ACOT11: variants seen among roughly 807,000 people sequenced by gnomAD.
ACOT11 encodes the protein acyl-CoA thioesterase 11, also known as acyl-coenzyme A thioesterase 11.
In ACOT11, 69 loss-of-function variants were observed where a neutral mutation model predicts 77.5. That is an observed-to-expected ratio of 0.89 (90% CI 0.73 to 1.09). ACOT11 has a LOEUF of 1.09. Among genes scored for constraint, ACOT11 ranks in the 50% least tolerant of loss-of-function variants. ACOT11 has a pLI of 0.00. For missense variants in ACOT11, 766 were observed against 813.7 expected, an observed-to-expected ratio of 0.94 and a Z score of 0.71; for synonymous variants, 279 against 313.0, an observed-to-expected ratio of 0.89 and a Z score of 1.15.
intron 15 of ACOT11, among the ~76,000 whole-genome samples, chr1:54,615,381 A>T (rs1644161839): frequency 6.6e-6 from 1 of 152,172 alleles, no homozygotes. Flanking sequence ...TTTCCTGAGG[A>T]CAATGGGGAG....
At chr1:54,610,767 C>A, downstream of ACOT11, 9 of 984,260 alleles carry the variant, frequency 9.1e-6, no homozygotes, top group Non-Finnish European at 1.1e-5. Flanking sequence ...AGGAGTGGAA[C>A]CTGATGGGAC....
At chr1:54,632,134 T>C (rs1431393997) in intron 16 of ACOT11, among the ~76,000 whole-genome samples, 1 of 152,024 alleles carries the variant, frequency 6.6e-6, no homozygotes, top group Non-Finnish European at 1.5e-5. Flanking sequence ...ATGTCCAAAA[T>C]GTAAAAAAGG....
chr1:54,610,664 CAT>C, downstream of ACOT11: 1 of 1,470,804 alleles, frequency 6.8e-7, no homozygotes, highest in Admixed American at 2.5e-5. Context: ...CTCTAAGCCT[CAT>C]AGCACCCTGC....
downstream of ACOT11, among the ~76,000 whole-genome samples, chr1:54,615,219 G>T (rs1045900145): frequency 3.3e-5 from 5 of 152,154 alleles, no homozygotes; most frequent in Non-Finnish European, 5.9e-5. Context: ...AACCACCAGA[G>T]CCTGTAGGGA....
chr1:54,604,220 C>A, intron 11 of ACOT11, 126 bp from the exon 12 acceptor site: 1 of 833,026 alleles, frequency 1.2e-6, no homozygotes, highest in Non-Finnish European at 1.9e-6. Flanking sequence ...ACAGCACCTG[C>A]CGCACCACCC....
chr1:54,564,918 TG>T (rs973128638), intron 1 of ACOT11, among the ~76,000 whole-genome samples: 55 of 152,264 alleles, frequency 3.6e-4, no homozygotes, highest in African/African-American at 1.0e-3. Context: ...CAGATGTACA[TG>T]TGCCTATAGG....
intron 15 of ACOT11, chr1:54,623,381 C>T (rs1644250296): frequency 2.5e-6 from 4 of 1,613,694 alleles, no homozygotes; most frequent in African/African-American, 1.3e-5. Flanking sequence ...TTGATAACTG[C>T]TCCCTGCAGA....
rs775266928 is a variant in ACOT11 at position 54,548,307 on chromosome 1, G to C, written c.-3G>C. On this transcript the variant is annotated 5_prime_UTR_variant, in exon 1 of 16. Transcript: ENST00000343744. ...GCGCTGCTTTCCCCGGCCACCCGGCGCGATGATCCAGAATGTCGGAAATCA... is the reference window on the plus strand; with the variant it reads ...GCGCTGCTTTCCCCGGCCACCCGGCCCGATGATCCAGAATGTCGGAAATCA... The C allele has an allele frequency of 6.3e-7, 1 of 1,597,280 alleles. No homozygotes were observed. The highest frequency in any genetic ancestry group is 8.5e-7 in the Non-Finnish European group (1 of 1,172,412).
intron 1 of ACOT11, among the ~76,000 whole-genome samples, chr1:54,576,491 T>TAAAAAAAA: frequency 1.5e-5 from 1 of 68,334 alleles, no homozygotes; most frequent in Non-Finnish European, 3.0e-5. Context: ...GAGCAAGATC[T>TAAAAAAAA]AAAAAAAAAA....
At chr1:54,634,541 A>C (rs770720638) in intron 16 of ACOT11, 105 of 544,840 alleles carry the variant, frequency 1.9e-4, no homozygotes, top group South Asian at 3.1e-4. Flanking sequence ...CTGATGATAA[A>C]AACAAAAAAG....
chr1:54,601,603 G>A (rs567051062), intron 9 of ACOT11, among the ~76,000 whole-genome samples, 190 bp downstream of exon 9: 1 of 152,346 alleles, frequency 6.6e-6, no homozygotes, highest in African/African-American at 2.4e-5. Flanking sequence ...GGGCGGGCTT[G>A]TTCTGCCTGA....
intron 6 of ACOT11, 39 bp downstream of exon 6, chr1:54,594,730 C>T (rs762937957): frequency 6.9e-6 from 11 of 1,583,168 alleles, no homozygotes; most frequent in East Asian, 4.5e-5. Context: ...GGGTAGCTGG[C>T]GTCCTGCATG....
chr1:54,562,412 C>T (rs1203461620), intron 1 of ACOT11, among the ~76,000 whole-genome samples: 1 of 81,558 alleles, frequency 1.2e-5, no homozygotes, highest in Non-Finnish European at 2.3e-5. Context: ...CGCCCCTCAC[C>T]TCCCGGACGG....
In ACOT11 at chr1:54,604,375, C is replaced by T. The variant is rs1644000652; in HGVS notation, c.1182C>T (p.Ser394=). ...QVYLSYNNVS[S]LKMLVAKDNW... is the part of the protein sequence containing the mutation. ...ACCTGAGCTACAATAACGTCTCCTC[C>T]TTGAAGATGCTTGTGGCCAAGGACA... is the stretch of plus-strand genomic sequence containing the variant. The change falls in exon 12 of 16, where the codon TCC becomes TCT. Residue 394 remains serine, a synonymous_variant. Transcript: ENST00000343744. 2.5e-6 allele frequency: 4 copies of T among 1,614,034 alleles called. No homozygotes were observed. The East Asian group carries it at 8.9e-5, about 36-fold the overall frequency.
intron 1 of ACOT11, among the ~76,000 whole-genome samples, chr1:54,562,421 G>A (rs1471659889): frequency 1.2e-3 from 92 of 77,810 alleles, no homozygotes; most frequent in East Asian, 1.6e-3. Flanking sequence ...CCTCCCGGAC[G>A]GGGCGGCTGG....
chr1:54,556,100 G>A (rs1459468356), intron 1 of ACOT11, among the ~76,000 whole-genome samples: 1 of 152,064 alleles, frequency 6.6e-6, no homozygotes, highest in Non-Finnish European at 1.5e-5. Context: ...TTCTACATGT[G>A]GGTTTCCAGT....
intron 1 of ACOT11, among the ~76,000 whole-genome samples, chr1:54,551,719 T>C (rs779159923): frequency 1.3e-4 from 19 of 151,414 alleles, no homozygotes; most frequent in Non-Finnish European, 2.8e-4. Flanking sequence ...TGTTTTGTTT[T>C]TGTTTTTGTT....
At chr1:54,571,272 C>G (rs551223455) in intron 1 of ACOT11, among the ~76,000 whole-genome samples, 2 of 152,242 alleles carry the variant, frequency 1.3e-5, no homozygotes, top group South Asian at 2.1e-4. Context: ...CTTCCTGTTT[C>G]TTTCTTCTCT....
rs981942614 is a variant in ACOT11, at chr1:54,595,526, G to A, written c.607+835G>A. Among the ~76,000 whole-genome samples the A allele has an allele frequency of 4.6e-5, 7 of 152,136 alleles. No homozygotes were observed. The South Asian group carries it at 1.4e-3, about 32-fold the overall frequency. On this transcript the variant is annotated intron_variant, in intron 6 of 15. Coordinates refer to ENST00000343744, the MANE Select transcript of ACOT11 (RefSeq NM_147161.4). ...TCCCAGAATCCAGGTCGTCTCCCCA[G>A]AAGCATCTACTATTACCCATTTTAG...
Sources: allele counts gnomAD v4.1 joint callset (sites outside exome capture counted in the v4.1 genomes callset), GRCh38; gene constraint gnomAD v4.1.1; transcripts MANE v1.5; gene names NCBI Gene and HGNC (gene_info 2026-07-23, HGNC 2026-07-21).